RAPGEF2: variants seen among roughly 807,000 people sequenced by gnomAD.
The protein encoded by RAPGEF2 is Rap guanine nucleotide exchange factor 2, also known as PDZ domain containing guanine nucleotide exchange factor (GEF) 1.
RAPGEF2 carries 54 observed loss-of-function variants against 186.7 expected under a neutral mutation model. The ratio of observed to expected loss-of-function variants is 0.29; its 90% CI spans 0.23 to 0.36. The LOEUF (loss-of-function observed/expected upper bound fraction) is 0.36. RAPGEF2 is among the 10% of genes least tolerant of loss of function. The pLI is 1.00. For missense variants in RAPGEF2, 1,532 were observed against 2,045.0 expected (o/e 0.75, Z 4.84); for synonymous variants, 712 against 705.9 (o/e 1.01, Z -0.14).
intron 2 of RAPGEF2, among the ~76,000 whole-genome samples, chr4:159,191,034 A>C (rs1216239024): frequency 1.3e-5 from 2 of 152,192 alleles, no homozygotes; most frequent in Non-Finnish European, 2.9e-5. Context: ...TGCCGTGATG[A>C]GAGATCAGGT....
intron 17 of RAPGEF2, 53 bp downstream of exon 17, chr4:159,332,750 T>C (rs369959602): frequency 1.3e-6 from 2 of 1,576,890 alleles, no homozygotes; most frequent in African/African-American, 2.7e-5. Flanking sequence ...TAAAATGATA[T>C]GCAAAGATAG....
At chr4:159,271,811 C>T (rs908363296) in intron 7 of RAPGEF2, among the ~76,000 whole-genome samples, 2 of 152,140 alleles carry the variant, frequency 1.3e-5, no homozygotes, top group African/African-American at 4.8e-5. Flanking sequence ...GCAAGAATAT[C>T]ATGATCAAAA....
At chr4:159,175,655 C>T (rs1021549267) in intron 1 of RAPGEF2, among the ~76,000 whole-genome samples, 4 of 152,128 alleles carry the variant, frequency 2.6e-5, no homozygotes, top group African/African-American at 9.7e-5. Context: ...TGTGTTGACT[C>T]ACTTGCGAGA....
In RAPGEF2 at chr4:159,341,690, T is replaced by C; in HGVS notation, c.2661T>C (p.Ser887=). Residue 887 remains serine (S), a synonymous_variant, in exon 20 of 30, where the codon TCT becomes TCC. Transcript: ENST00000691494. ...CTGTGGAAGTTGCAACACAGCTCTC[T>C]ATGCGAAATTTTGAACTCTTTCGCA... ...LSTVEVATQL[S]MRNFELFRNI... is the part of the protein sequence containing the mutation. 7 of 1,614,136 alleles carry C rather than the reference T, an allele frequency of 4.3e-6. No homozygotes were observed. The highest frequency in any genetic ancestry group is 4.5e-5 in the East Asian group (2 of 44,874).
chr4:159,239,206 T>TTAGCTC (rs1162244355), intron 5 of RAPGEF2, among the ~76,000 whole-genome samples: 4 of 152,158 alleles, frequency 2.6e-5, no homozygotes, highest in Non-Finnish European at 4.4e-5. Context: ...TTGCAGGATT[T>TTAGCTC]TAGCTCTCCA....
At chr4:159,332,335 TTTTGA>T (rs1207154067) in intron 16 of RAPGEF2, 111 bp from the exon 17 acceptor site, 25 of 1,128,580 alleles carry the variant, frequency 2.2e-5, no homozygotes, top group Non-Finnish European at 2.8e-5. Flanking sequence ...AGGTTTGCAG[TTTTGA>T]TAACTGAAGT....
At chr4:159,306,672 G>A (rs888993491) in intron 8 of RAPGEF2, among the ~76,000 whole-genome samples, 4 of 152,012 alleles carry the variant, frequency 2.6e-5, no homozygotes, top group African/African-American at 9.7e-5. Flanking sequence ...ATACTATTTT[G>A]AATAGGAGTG....
chr4:159,255,458 A>G (rs1756044111), intron 7 of RAPGEF2, among the ~76,000 whole-genome samples: 1 of 152,076 alleles, frequency 6.6e-6, no homozygotes. Flanking sequence ...TGTTACCACA[A>G]AGTGTGATTG....
chr4:159,232,669 A>G (rs1194224152), intron 4 of RAPGEF2, among the ~76,000 whole-genome samples: 1 of 152,164 alleles, frequency 6.6e-6, no homozygotes, highest in Non-Finnish European at 1.5e-5. Flanking sequence ...GCTGTGTCAT[A>G]TGTTAATTCT....
At chr4:159,262,338 A>G (rs1178168282) in intron 7 of RAPGEF2, among the ~76,000 whole-genome samples, 1 of 152,248 alleles carries the variant, frequency 6.6e-6, no homozygotes, top group Admixed American at 6.5e-5. Context: ...AATATATTAC[A>G]GTCAAATTAG....
At chr4:159,307,177 T>C (rs1763401960) in intron 8 of RAPGEF2, among the ~76,000 whole-genome samples, 1 of 152,120 alleles carries the variant, frequency 6.6e-6, no homozygotes, top group South Asian at 2.1e-4. Flanking sequence ...TAAAAATAAC[T>C]TTCTTTAGAG....
intron 1 of RAPGEF2, among the ~76,000 whole-genome samples, chr4:159,183,779 A>C (rs534834521): frequency 7.0e-4 from 107 of 152,324 alleles, no homozygotes; most frequent in African/African-American, 2.5e-3. Flanking sequence ...TCTAGGGTAC[A>C]TGTGCACAAC....
At chr4:159,309,989 A>T (rs559318080) in intron 8 of RAPGEF2, among the ~76,000 whole-genome samples, 1 of 152,072 alleles carries the variant, frequency 6.6e-6, no homozygotes, top group South Asian at 2.1e-4. Flanking sequence ...ACAATGTTTT[A>T]ATAAAGGATC....
intron 7 of RAPGEF2, among the ~76,000 whole-genome samples, chr4:159,285,838 A>T (rs1439498533): frequency 6.6e-6 from 1 of 152,162 alleles, no homozygotes; most frequent in Admixed American, 6.5e-5. Context: ...TGTATGTGTT[A>T]ACTTGTAAGC....
chr4:159,212,537 T>C (rs1319600448), intron 4 of RAPGEF2, among the ~76,000 whole-genome samples: 1 of 152,170 alleles, frequency 6.6e-6, no homozygotes, highest in Non-Finnish European at 1.5e-5. Context: ...CAATTTAATG[T>C]CTTCCTTATT....
chr4:159,181,841 GA>G (rs1747046338), intron 1 of RAPGEF2, among the ~76,000 whole-genome samples: 1 of 152,162 alleles, frequency 6.6e-6, no homozygotes, highest in Admixed American at 6.5e-5. Flanking sequence ...GCCTGGCCGG[GA>G]ATACAGTCAT....
intron 1 of RAPGEF2, among the ~76,000 whole-genome samples, chr4:159,158,223 C>A (rs1398591779): frequency 6.6e-6 from 1 of 152,172 alleles, no homozygotes; most frequent in Non-Finnish European, 1.5e-5. Flanking sequence ...CACTCCCCAA[C>A]CAGCAATAAA....
chr4:159,290,749 G>A (rs1317897898), intron 7 of RAPGEF2, among the ~76,000 whole-genome samples: 1 of 148,564 alleles, frequency 6.7e-6, no homozygotes, highest in Admixed American at 6.7e-5. Context: ...TGTGTCTAAG[G>A]TTTACAAAAA....
In RAPGEF2 at chr4:159,359,678, C is replaced by T. The variant is rs1196402751; in HGVS notation, c.*1539C>T. 6.6e-6 allele frequency: 1 copy of T among 151,992 alleles called. No individual in the cohort carries two copies. The highest frequency in any genetic ancestry group is 1.5e-5 in the Non-Finnish European group (1 of 68,026). 9.4% of individuals were successfully genotyped at this position (151,992 alleles called of 1,614,324 possible). ...GTTTTTTCACTGTATCAAACAATGT[C>T]AGTGCTTTATTTAATAATTCTCTTC... is the stretch of plus-strand genomic sequence containing the variant. On this transcript the variant is annotated 3_prime_UTR_variant, in exon 30 of 30. Transcript: ENST00000691494.
Sources: gnomAD v4.1 joint callset for allele counts (sites outside exome capture counted in the v4.1 genomes callset) on GRCh38, gnomAD v4.1.1 for gene constraint, MANE v1.5 for transcripts, NCBI Gene and HGNC (gene_info 2026-07-23, HGNC 2026-07-21) for gene names.